The following SPMIP4 variants were observed in gnomAD, a reference collection of about 807,000 sequenced individuals.
SPMIP4 encodes sperm-associated microtubule inner protein 4.
At chr7:25,129,945 G>A in the SPMIP4 span, among the ~76,000 whole-genome samples, 5 of 151,934 alleles carry the variant, frequency 3.3e-5, no homozygotes, top group Non-Finnish European at 7.4e-5. Context: ...GGTTTTTCAA[G>A]GATAGTTGGT....
the SPMIP4 span, among the ~76,000 whole-genome samples, chr7:25,169,794 T>C: frequency 2.0e-5 from 3 of 152,186 alleles, no homozygotes; most frequent in Admixed American, 6.5e-5. Context: ...CAGGTTGGTT[T>C]TGAACTCCTG....
At chr7:25,154,936 CT>C in the SPMIP4 span, 1 of 1,412,198 alleles carries the variant, frequency 7.1e-7, no homozygotes, top group Non-Finnish European at 9.7e-7. Flanking sequence ...CTTTGTGCTC[CT>C]TGCTTTAATT....
chr7:25,150,381 G>A, the SPMIP4 span, among the ~76,000 whole-genome samples: 216 of 152,284 alleles, frequency 1.4e-3, no homozygotes, highest in African/African-American at 4.9e-3. Flanking sequence ...CAGACGCTTC[G>A]TTAGGACTTC....
the SPMIP4 span, among the ~76,000 whole-genome samples, chr7:25,147,697 ATTTC>A: frequency 6.6e-6 from 1 of 152,216 alleles, no homozygotes; most frequent in African/African-American, 2.4e-5. Context: ...AAGGTTACCC[ATTTC>A]TTTATGTTGC....
At chr7:25,142,100 G>C in the SPMIP4 span, 2 of 611,054 alleles carry the variant, frequency 3.3e-6, no homozygotes. Context: ...GTTCAAATCA[G>C]CTCAGAATTC....
the SPMIP4 span, chr7:25,136,519 T>C: frequency 3.7e-5 from 60 of 1,614,068 alleles, no homozygotes; most frequent in Admixed American, 6.8e-4. The surrounding 1 kb of genome is among the most constrained non-coding windows in gnomAD (Gnocchi z 5.7). Flanking sequence ...TGGGAGTTCA[T>C]AGGTAGACAG....
chr7:25,144,882 G>C, the SPMIP4 span, among the ~76,000 whole-genome samples: 3 of 151,942 alleles, frequency 2.0e-5, no homozygotes, highest in African/African-American at 7.3e-5. Flanking sequence ...ACTTATTCAG[G>C]GATAAAGAAA....
chr7:25,171,236 A>G, the SPMIP4 span, among the ~76,000 whole-genome samples: 3 of 152,170 alleles, frequency 2.0e-5, no homozygotes, highest in African/African-American at 4.8e-5. Context: ...GGTAGCTCAG[A>G]TGATTTACTC....
chr7:25,152,473 G>A, the SPMIP4 span, among the ~76,000 whole-genome samples: 4 of 152,266 alleles, frequency 2.6e-5, no homozygotes, highest in East Asian at 7.7e-4. Flanking sequence ...TCACTGTACT[G>A]TTTTATATAC....
At chr7:25,135,853 T>G in the SPMIP4 span, 1 of 1,423,578 alleles carries the variant, frequency 7.0e-7, no homozygotes, top group Non-Finnish European at 9.2e-7. Context: ...AATGTAAACC[T>G]CACTAACAAG....
the SPMIP4 span, among the ~76,000 whole-genome samples, chr7:25,159,581 A>C: frequency 6.6e-6 from 1 of 152,228 alleles, no homozygotes; most frequent in South Asian, 2.1e-4. Context: ...AATTGAATAC[A>C]CTGTTTAATT....
At chr7:25,154,861 T>G in the SPMIP4 span, 1 of 706,406 alleles carries the variant, frequency 1.4e-6, no homozygotes, top group Non-Finnish European at 2.3e-6. Context: ...CGCCAGCTGA[T>G]TTGTAAAGTC....
the SPMIP4 span, among the ~76,000 whole-genome samples, chr7:25,161,530 C>A: frequency 1.1e-4 from 16 of 151,734 alleles, no homozygotes; most frequent in Admixed American, 7.2e-4. Context: ...AGCTACTGTG[C>A]CTGGCCAAAG....
the SPMIP4 span, among the ~76,000 whole-genome samples, chr7:25,143,617 G>T: frequency 7.1e-6 from 1 of 141,048 alleles, no homozygotes; most frequent in Non-Finnish European, 1.5e-5. Context: ...CCAGAGACAG[G>T]GTCTCACCCT....
the SPMIP4 span, among the ~76,000 whole-genome samples, chr7:25,139,780 A>T: frequency 6.6e-6 from 1 of 152,228 alleles, no homozygotes; most frequent in Non-Finnish European, 1.5e-5. Context: ...TTCTGTATGC[A>T]AGAAGCAGTT....
At chr7:25,137,847 A>G in the SPMIP4 span, among the ~76,000 whole-genome samples, 3 of 152,188 alleles carry the variant, frequency 2.0e-5, no homozygotes, top group African/African-American at 7.2e-5. Flanking sequence ...CTTCAACAAA[A>G]GAGATTACCC....
chr7:25,137,145 C>T, the SPMIP4 span, among the ~76,000 whole-genome samples: 1 of 152,138 alleles, frequency 6.6e-6, no homozygotes, highest in African/African-American at 2.4e-5. Flanking sequence ...GTTATTTAAT[C>T]TCAGCCAAAG....
the SPMIP4 span, among the ~76,000 whole-genome samples, chr7:25,140,235 A>G: frequency 6.6e-6 from 1 of 152,210 alleles, no homozygotes; most frequent in East Asian, 1.9e-4. Context: ...TGGTGTTATG[A>G]TTTTATATCA....
chr7:25,130,621 A>C, the SPMIP4 span, among the ~76,000 whole-genome samples: 2 of 152,120 alleles, frequency 1.3e-5, no homozygotes, highest in African/African-American at 4.8e-5. Context: ...GCCAGTTATC[A>C]CTTAACTACA....
Sources: allele counts gnomAD v4.1 joint callset (sites outside exome capture counted in the v4.1 genomes callset), GRCh38; gene constraint gnomAD v4.1.1; non-coding constraint Gnocchi (gnomAD v3.1); transcripts MANE v1.5; gene names NCBI Gene and HGNC (gene_info 2026-07-23, HGNC 2026-07-21).